MTUS1: variants seen among roughly 807,000 people sequenced by gnomAD.
MTUS1 encodes microtubule associated scaffold protein 1.
A neutral mutation model predicts 120.8 loss-of-function variants in MTUS1; 109 were observed. The observed-to-expected ratio is 0.90, with a 90% CI of 0.77 to 1.06. MTUS1 has a LOEUF of 1.06. Among genes scored for constraint, MTUS1 ranks in the 50% least tolerant of loss-of-function variants. The pLI, the probability that MTUS1 is intolerant of heterozygous loss-of-function variation, is 0.00. For synonymous variants in MTUS1, 737 were observed against 550.5 expected (o/e 1.34, Z -4.74); for missense variants, 2,210 against 1,486.3 (o/e 1.49, Z -8.01).
rs1220551134 is a variant in MTUS1, at chr8:17,753,866, C to A, written c.1942G>T (p.Ala648Ser). Residue 648 changes from alanine to serine, a missense_variant, in exon 2 of 15, where the codon GCA becomes TCA. By Grantham distance (99) the Ala-to-Ser change is moderately conservative (BLOSUM62 1). Transcript: ENST00000693296. ...KGILPVKMES[A>S]ECLEMTYVPN... ...ACATAGGTCATTTCCAAACATTCTG[C>A]ACTTTCCATTTTAACAGGGAGTATG... The A allele has an allele frequency of 6.2e-7, 1 of 1,614,194 alleles. No individual in the cohort carries two copies.
chr8:17,675,799 C>T lies in MTUS1; in HGVS notation c.2839-547G>A, dbSNP rs7846410. ...ACAAAATTAAATTAATTTTTTTCAGCTACATACCATTTTCTAAGGATTATG... is the reference window on the plus strand; with the variant it reads ...ACAAAATTAAATTAATTTTTTTCAGTTACATACCATTTTCTAAGGATTATG... On this transcript the variant is annotated intron_variant, in intron 7 of 14. Coordinates refer to ENST00000693296, the MANE Select transcript of MTUS1 (RefSeq NM_001363059.2). Among the ~76,000 whole-genome samples, 441 of 152,202 alleles carry T rather than the reference C, an allele frequency of 2.9e-3. 6 individuals are homozygous for T. The highest frequency in any genetic ancestry group is 0.01 in the African/African-American group (431 of 41,520).
chr8:17,696,299 T>G (rs902400876), intron 6 of MTUS1, among the ~76,000 whole-genome samples: 2 of 150,870 alleles, frequency 1.3e-5, no homozygotes, highest in African/African-American at 4.9e-5. Context: ...AGAAGGGAGA[T>G]GCCTCTGGGA....
intron 1 of MTUS1, among the ~76,000 whole-genome samples, chr8:17,791,005 C>A (rs2051737918): frequency 6.6e-6 from 1 of 152,108 alleles, no homozygotes. Flanking sequence ...GAAGTTTTAT[C>A]CCATTTCAGC....
chr8:17,657,356 C>T (rs1364705085), intron 8 of MTUS1, among the ~76,000 whole-genome samples: 1 of 151,460 alleles, frequency 6.6e-6, no homozygotes, highest in Non-Finnish European at 1.5e-5. Context: ...ATCACGAGGT[C>T]AGGAGATCGA....
chr8:17,674,392 T>A, intron 8 of MTUS1: 1 of 878,124 alleles, frequency 1.1e-6, no homozygotes, highest in Non-Finnish European at 1.4e-6. Context: ...TGCACTCCAG[T>A]CTGGTGACAG....
intron 12 of MTUS1, among the ~76,000 whole-genome samples, chr8:17,651,083 C>T (rs1027200101): frequency 2.0e-5 from 3 of 152,110 alleles, no homozygotes; most frequent in African/African-American, 7.2e-5. Flanking sequence ...CAGGAAAGAT[C>T]AGGAAAGCTT....
chr8:17,668,564 T>TA (rs1368475788), intron 8 of MTUS1, among the ~76,000 whole-genome samples: 1 of 152,214 alleles, frequency 6.6e-6, no homozygotes, highest in African/African-American at 2.4e-5. Context: ...GGACATAATA[T>TA]AAAATGTATC....
chr8:17,681,354 C>A (rs878927547), intron 7 of MTUS1, among the ~76,000 whole-genome samples: 4 of 152,050 alleles, frequency 2.6e-5, no homozygotes, highest in Admixed American at 2.6e-4. Context: ...GGACAGCAAC[C>A]CAGTAATGAT....
Position 17,767,700 on chromosome 8 carries a change from T to TAAGAAAAAAAAAAAAAAAAAAAAAAAA in MTUS1, c.-154-11740_-154-11739insTTTTTTTTTTTTTTTTTTTTTTTTCTT, listed in dbSNP as rs1554533204. ...GGTGATAGAGCAAGACCCTGTCTCT[T>TAAGAAAAAAAAAAAAAAAAAAAAAAAA]AAAAAAAAAAAAAAAAAACGGTGTG... On this transcript the variant is annotated intron_variant, in intron 1 of 14. Transcript: ENST00000693296. Among the ~76,000 whole-genome samples, 21 of 87,870 alleles carry TAAGAAAAAAAAAAAAAAAAAAAAAAAA rather than the reference T, an allele frequency of 2.4e-4. 1 individual carries two copies. Among genetic ancestry groups the TAAGAAAAAAAAAAAAAAAAAAAAAAAA allele is most frequent in the African/African-American group, 1.0e-3 (20 of 19,660 alleles). The allele number at this position is 87,870 out of a possible 152,430, so 57.6% of individuals were successfully genotyped here.
chr8:17,755,804 T>C lies in MTUS1; in HGVS notation c.4A>G (p.Thr2Ala), dbSNP rs902771327. ...ATTTTATCATCTGAATTATCATCAGTCATCCTGAATAGTAACCTTAAACCT... is the reference window on the plus strand; with the variant it reads ...ATTTTATCATCTGAATTATCATCAGCCATCCTGAATAGTAACCTTAAACCT... M[T>A]DDNSDDKIED... The change falls in exon 2 of 15, where the codon ACT becomes GCT. Residue 2 changes from threonine to alanine, a missense_variant. Coordinates refer to ENST00000693296, the MANE Select transcript of MTUS1 (RefSeq NM_001363059.2). 6.2e-7 allele frequency: 1 copy of C among 1,611,372 alleles called. No homozygotes were observed. Among genetic ancestry groups the C allele is most frequent in the Non-Finnish European group, 8.5e-7 (1 of 1,178,686 alleles).
At chr8:17,732,532 G>C (rs1563286021) in intron 3 of MTUS1, among the ~76,000 whole-genome samples, 1 of 152,090 alleles carries the variant, frequency 6.6e-6, no homozygotes, top group Non-Finnish European at 1.5e-5. Context: ...CATCCAGTCT[G>C]GTGGCTTTAA....
At position 17,703,744 on chromosome 8, in the gene MTUS1, G is replaced by A. The variant is rs189819037; in HGVS notation, c.2623+9470C>T. On this transcript the variant is annotated intron_variant, in intron 6 of 14. Coordinates refer to ENST00000693296, the MANE Select transcript of MTUS1 (RefSeq NM_001363059.2). ...ACCCTGGTAAATTTGAGGTCAGACC[G>A]GTTCTCTGCTCTCAAATCCTGTTTT... 4.6e-4 allele frequency among the ~76,000 whole-genome samples: 70 copies of A among 152,050 alleles called. No homozygotes were observed. In the East Asian group the frequency reaches 6.2e-3, roughly 13 times the overall value.
At chr8:17,724,834 A>C (rs1273224287) in intron 3 of MTUS1, among the ~76,000 whole-genome samples, 1 of 152,114 alleles carries the variant, frequency 6.6e-6, no homozygotes, top group Non-Finnish European at 1.5e-5. Flanking sequence ...CTTCCTTCTG[A>C]ATCTCAAGGC....
At chr8:17,769,371 A>G (rs1488264091) in intron 1 of MTUS1, among the ~76,000 whole-genome samples, 6 of 139,590 alleles carry the variant, frequency 4.3e-5, no homozygotes, top group South Asian at 2.2e-4. Flanking sequence ...TTTTTGAGAC[A>G]GAGTCTCGCT....
At chr8:17,768,635 C>A (rs2049760066) in intron 1 of MTUS1, among the ~76,000 whole-genome samples, 1 of 152,018 alleles carries the variant, frequency 6.6e-6, no homozygotes, top group Non-Finnish European at 1.5e-5. Flanking sequence ...CTTTAAGAGC[C>A]TTTTTGCAGC....
chr8:17,759,999 A>G (rs1475728939), intron 1 of MTUS1, among the ~76,000 whole-genome samples: 5 of 151,278 alleles, frequency 3.3e-5, no homozygotes, highest in African/African-American at 7.3e-5. Flanking sequence ...ATTTGAGCCC[A>G]GGAGTTCAAG....
At chr8:17,777,271 T>C (rs2050521223) in intron 1 of MTUS1, among the ~76,000 whole-genome samples, 1 of 151,994 alleles carries the variant, frequency 6.6e-6, no homozygotes, top group African/African-American at 2.4e-5. Flanking sequence ...ACTCCATCTC[T>C]ACTAAAAGTA....
intron 8 of MTUS1, among the ~76,000 whole-genome samples, chr8:17,673,666 G>GCTGGCCTCAAA (rs1812481817): frequency 6.6e-6 from 1 of 152,084 alleles, no homozygotes; most frequent in Non-Finnish European, 1.5e-5. Context: ...TATTGCTCAA[G>GCTGGCCTCAAA]CTGGTCTCAA....
chr8:17,786,311 G>T (rs2051298309), intron 1 of MTUS1, among the ~76,000 whole-genome samples: 1 of 152,158 alleles, frequency 6.6e-6, no homozygotes, highest in South Asian at 2.1e-4. Context: ...AGGTCTGGAA[G>T]GCAGTGCCTG....
Sources: allele counts gnomAD v4.1 joint callset (sites outside exome capture counted in the v4.1 genomes callset), GRCh38; gene constraint gnomAD v4.1.1; transcripts MANE v1.5; gene names NCBI Gene and HGNC (gene_info 2026-07-23, HGNC 2026-07-21).